The following TLE4 variants were observed in gnomAD, a reference collection of about 807,000 sequenced individuals.
The protein encoded by TLE4 is TLE family member 4, transcriptional corepressor.
A neutral mutation model predicts 92.8 loss-of-function variants in TLE4; 8 were observed. The observed-to-expected ratio is 0.09, with a 90% CI of 0.05 to 0.16. The LOEUF (loss-of-function observed/expected upper bound fraction) is 0.16. TLE4 is among the 10% of genes least tolerant of loss of function. The probability of loss-of-function intolerance (pLI) is 1.00; values close to 1 mark genes in which losing one functional copy is unlikely to be tolerated. For missense variants in TLE4, 675 were observed against 997.6 expected (o/e 0.68, Z 4.36); for synonymous variants, 371 against 374.1 (o/e 0.99, Z 0.10).
chr9:79,672,388 C>T (rs946384097), intron 8 of TLE4, among the ~76,000 whole-genome samples: 2 of 152,058 alleles, frequency 1.3e-5, no homozygotes, highest in African/African-American at 4.8e-5. Context: ...GACAGGATTT[C>T]AACTTCCCAC....
At chr9:79,647,230 AG>A (rs2058237350) in intron 6 of TLE4, among the ~76,000 whole-genome samples, 1 of 152,162 alleles carries the variant, frequency 6.6e-6, no homozygotes, top group Non-Finnish European at 1.5e-5. Context: ...CATTAGTGAA[AG>A]GTAGGTAAAG....
intron 4 of TLE4, among the ~76,000 whole-genome samples, chr9:79,579,214 G>A (rs1268973009): frequency 6.6e-6 from 1 of 152,144 alleles, no homozygotes; most frequent in African/African-American, 2.4e-5. Context: ...TTTGCTGATT[G>A]TTCTTCTTTG....
At chr9:79,683,500 A>G (rs1480402746) in intron 8 of TLE4, among the ~76,000 whole-genome samples, 1 of 152,198 alleles carries the variant, frequency 6.6e-6, no homozygotes, top group Non-Finnish European at 1.5e-5. Flanking sequence ...TGGTCCCTTA[A>G]TCAACAATGA....
At chr9:79,723,572 C>T (rs147035873) in intron 19 of TLE4, among the ~76,000 whole-genome samples, 10 of 152,260 alleles carry the variant, frequency 6.6e-5, no homozygotes, top group African/African-American at 1.4e-4. Context: ...TATATGCACG[C>T]GTGCACACAC....
At chr9:79,640,928 T>C (rs1399569962) in intron 6 of TLE4, among the ~76,000 whole-genome samples, 1 of 152,070 alleles carries the variant, frequency 6.6e-6, no homozygotes, top group Non-Finnish European at 1.5e-5. Flanking sequence ...GCCAGTGAAA[T>C]AGAATAAAAT....
chr9:79,717,018 A>C (rs1287267109), intron 14 of TLE4, among the ~76,000 whole-genome samples: 3 of 152,154 alleles, frequency 2.0e-5, no homozygotes, highest in Non-Finnish European at 4.4e-5. Flanking sequence ...ATCTACTTCC[A>C]TAACTACTCT....
In TLE4 at chr9:79,720,052, G is replaced by C. The variant is rs1336077628; in HGVS notation, c.1597G>C (p.Asp533His). 6.2e-7 allele frequency: 1 copy of C among 1,610,316 alleles called. No homozygotes were observed. The highest frequency in any genetic ancestry group is 8.5e-7 in the Non-Finnish European group (1 of 1,176,930). Residue 533 changes from aspartate (D) to histidine (H), a missense_variant, in exon 16 of 20, where the codon GAT becomes CAT. Coordinates refer to ENST00000376552, the MANE Select transcript of TLE4 (RefSeq NM_007005.6). ...PVSQLDCLNRDNYIRSCRLLP... is the reference protein window; with the variant it reads ...PVSQLDCLNRHNYIRSCRLLP... ...ATGGTTTTTGTCTCTACAGAACAGG[G>C]ATAACTACATCCGTTCCTGCAGATT...
chr9:79,630,470 A>G (rs2053872420), intron 6 of TLE4, among the ~76,000 whole-genome samples: 2 of 152,216 alleles, frequency 1.3e-5, no homozygotes, highest in African/African-American at 4.8e-5. Context: ...TTGGTTTCCC[A>G]TCGTTGATAT....
intron 6 of TLE4, among the ~76,000 whole-genome samples, chr9:79,631,618 G>GTA (rs1219863341): frequency 1.7e-5 from 2 of 119,286 alleles, no homozygotes; most frequent in East Asian, 4.5e-4. Context: ...AACCTTAAAT[G>GTA]TGTGTGTGTG....
At chr9:79,597,479 T>C (rs530609855) in intron 4 of TLE4, among the ~76,000 whole-genome samples, 21 of 152,306 alleles carry the variant, frequency 1.4e-4, no homozygotes, top group South Asian at 2.1e-4. Context: ...GGGTTTTTTT[T>C]CTACTAGCCC....
chr9:79,692,516 A>G (rs2067289604), intron 8 of TLE4, among the ~76,000 whole-genome samples: 1 of 152,216 alleles, frequency 6.6e-6, no homozygotes, highest in Non-Finnish European at 1.5e-5. Flanking sequence ...GAAGGGCGGT[A>G]TGCCTCCACT....
chr9:79,708,648 G>T lies in TLE4; in HGVS notation c.1125G>T (p.Gly375=). 6.2e-7 allele frequency: 1 copy of T among 1,614,078 alleles called. No homozygotes were observed. Among genetic ancestry groups the T allele is most frequent in the Non-Finnish European group, 8.5e-7 (1 of 1,180,026 alleles). The change falls in exon 13 of 20, where the codon GGG becomes GGT. Residue 375 remains glycine (G), a synonymous_variant. Coordinates refer to ENST00000376552, the MANE Select transcript of TLE4 (RefSeq NM_007005.6). ...AVPCPYPTPF[G]IVPHAGMNGE... is the part of the protein sequence containing the mutation. ...CTTGTCCATATCCAACTCCATTTGG[G>T]ATTGTGCCCCATGCTGGAATGAACG...
intron 8 of TLE4, among the ~76,000 whole-genome samples, chr9:79,680,670 A>G (rs979862541): frequency 6.6e-6 from 1 of 152,180 alleles, no homozygotes; most frequent in Non-Finnish European, 1.5e-5. Flanking sequence ...TATGTTGACT[A>G]GGAGTGGTGA....
intron 8 of TLE4, chr9:79,671,323 T>C (rs980475249): frequency 2.2e-6 from 1 of 453,530 alleles, no homozygotes; most frequent in African/African-American, 2.0e-5. Flanking sequence ...CATGCTAGTG[T>C]TGTGTGCTTC....
At chr9:79,606,184 G>GTTGTTTTTTTT (rs1473560480) in intron 4 of TLE4, among the ~76,000 whole-genome samples, 1 of 18,374 alleles carries the variant, frequency 5.4e-5, no homozygotes, top group East Asian at 2.5e-3. Context: ...AGCAGTAGTA[G>GTTGTTTTTTTT]TTGTTTTTTT....
intron 8 of TLE4, among the ~76,000 whole-genome samples, chr9:79,658,518 CCCCCATTTATTATGTTGACAAT>C (rs1160324709): frequency 6.6e-6 from 1 of 151,992 alleles, no homozygotes; most frequent in Non-Finnish European, 1.5e-5. Context: ...TTTTTTCTAT[CCCCCATTTATTATGTTGACAAT>C]AAAGGTTTAT....
chr9:79,708,127 TCTA>T lies in TLE4; in HGVS notation c.952_954del (p.Thr318del), dbSNP rs773805915. 1.2e-6 allele frequency: 2 copies of T among 1,613,978 alleles called. No homozygotes were observed. Among genetic ancestry groups the T allele is most frequent in the East Asian group, 4.5e-5 (2 of 44,876 alleles). On this transcript the variant is annotated inframe_deletion, in exon 12 of 20. Coordinates refer to ENST00000376552, the MANE Select transcript of TLE4 (RefSeq NM_007005.6). Reference sequence around the variant, plus strand: ...CATTTCATCTTGTTAGAATGAAAAATCTACTACTCCCGTCTCAAAGTCCAATAC... The same window carrying T: ...CATTTCATCTTGTTAGAATGAAAAATCTACTCCCGTCTCAAAGTCCAATAC...
At chr9:79,655,866 C>T (rs552170304) in intron 8 of TLE4, among the ~76,000 whole-genome samples, 16 of 152,286 alleles carry the variant, frequency 1.1e-4, no homozygotes, top group Non-Finnish European at 2.1e-4. Context: ...TCCCAGAAGA[C>T]TGTGAAAATA....
chr9:79,717,158 T>C (rs1454657328), intron 14 of TLE4, among the ~76,000 whole-genome samples: 1 of 152,186 alleles, frequency 6.6e-6, no homozygotes, highest in Non-Finnish European at 1.5e-5. Context: ...ATGGATGATA[T>C]CTAACCTGAC....
Sources: allele counts gnomAD v4.1 joint callset (sites outside exome capture counted in the v4.1 genomes callset), GRCh38; gene constraint gnomAD v4.1.1; transcripts MANE v1.5; gene names NCBI Gene and HGNC (gene_info 2026-07-23, HGNC 2026-07-21).